Variants in FAT4 observed in about 807,000 individuals in gnomAD.
The protein encoded by FAT4 is protocadherin Fat 4.
Under a neutral mutation model 303.9 loss-of-function variants are expected in FAT4, and 84 were observed. The ratio of observed to expected loss-of-function variants is 0.28; its 90% confidence interval spans 0.23 to 0.33. The LOEUF is 0.33. FAT4 is among the 10% of genes least tolerant of loss of function. The pLI, the probability that FAT4 is intolerant of heterozygous loss-of-function variation, is 1.00. For synonymous variants in FAT4, 2,307 were observed against 2,298.8 expected (o/e 1.00, Z -0.10); for missense variants, 6,005 against 6,146.8 (o/e 0.98, Z 0.77).
At chr4:125,376,768 G>A (rs997319398) in intron 2 of FAT4, among the ~76,000 whole-genome samples, 2 of 151,874 alleles carry the variant, frequency 1.3e-5, no homozygotes, top group African/African-American at 2.4e-5. Flanking sequence ...GCGTGGTGGC[G>A]CATGCCTGCA....
In FAT4 at chr4:125,477,234, G is replaced by A. The variant is rs761178590; in HGVS notation, c.12379G>A (p.Val4127Met). The A allele has an allele frequency of 9.7e-6, 15 of 1,550,516 alleles. No individual in the cohort carries two copies. Among genetic ancestry groups the A allele is most frequent in the East Asian group, 4.8e-5 (2 of 41,876 alleles). ...LEPILQRRGH[V>M]ESHDFVGCIM... Reference sequence around the variant, plus strand: ...ACCAATCCTTCAGAGAAGAGGACACGTGGAAAGCCATGATTTTGTTGGGTG... The same window carrying A: ...ACCAATCCTTCAGAGAAGAGGACACATGGAAAGCCATGATTTTGTTGGGTG... The change falls in exon 14 of 18, where the codon GTG becomes ATG. Residue 4127 changes from valine (V) to methionine (M), a missense_variant. Coordinates refer to ENST00000394329, the MANE Select transcript of FAT4 (RefSeq NM_001291303.3).
chr4:125,443,377 G>A (rs561747557), intron 8 of FAT4, among the ~76,000 whole-genome samples: 19 of 152,064 alleles, frequency 1.2e-4, no homozygotes, highest in Admixed American at 2.6e-4. Context: ...GTTGGCCTTC[G>A]CAATTGGTAC....
At chr4:125,379,730 G>A (rs1161975860) in intron 2 of FAT4, among the ~76,000 whole-genome samples, 1 of 151,844 alleles carries the variant, frequency 6.6e-6, no homozygotes, top group Non-Finnish European at 1.5e-5. Flanking sequence ...AAAGTGCTTG[G>A]ATTACAGGTA....
chr4:125,324,698 C>A (rs1731085983), intron 2 of FAT4, among the ~76,000 whole-genome samples: 1 of 152,034 alleles, frequency 6.6e-6, no homozygotes, highest in Non-Finnish European at 1.5e-5. Flanking sequence ...AGTCACCAGG[C>A]CATAGTTCCC....
At chr4:125,391,161 T>A (rs1406831052) in intron 2 of FAT4, among the ~76,000 whole-genome samples, 1 of 152,110 alleles carries the variant, frequency 6.6e-6, no homozygotes, top group African/African-American at 2.4e-5. Context: ...AGCAATCCCA[T>A]TACTGGGTAT....
chr4:125,376,453 G>T (rs1733324806), intron 2 of FAT4, among the ~76,000 whole-genome samples: 1 of 152,260 alleles, frequency 6.6e-6, no homozygotes, highest in South Asian at 2.1e-4. Context: ...CTGTCGTGGG[G>T]TGAGGGGAGG....
Position 125,318,964 on chromosome 4 carries a change from A to G in FAT4, c.2553A>G (p.Ala851=). 2 of 1,614,232 alleles carry G rather than the reference A, an allele frequency of 1.2e-6. No individual in the cohort carries two copies. The highest frequency in any genetic ancestry group is 1.7e-6 in the Non-Finnish European group (2 of 1,180,040). ...AGGTCACTGGGCAGCTTACCACAGC[A>G]AATGTGATTGATAGAGAAGAGCAAT... ...INQVTGQLTT[A]NVIDREEQSF... Residue 851 remains alanine, a synonymous_variant, in exon 2 of 18, where the codon GCA becomes GCG. Coordinates refer to ENST00000394329, the MANE Select transcript of FAT4 (RefSeq NM_001291303.3).
At position 125,317,110 on chromosome 4, in the gene FAT4, C is replaced by T; in HGVS notation, c.699C>T (p.Tyr233=). 1 of 1,613,810 alleles carries T rather than the reference C, an allele frequency of 6.2e-7. No individual in the cohort carries two copies. Among genetic ancestry groups the T allele is most frequent in the Non-Finnish European group, 8.5e-7 (1 of 1,180,030 alleles). The part of the protein sequence containing the change: ...EDKGEPKRRG[Y]LQVNVTVQDI... Reference sequence around the variant, plus strand: ...AGGGTGAGCCTAAGCGGCGGGGCTACCTTCAGGTAAACGTGACTGTGCAAG... The same window carrying T: ...AGGGTGAGCCTAAGCGGCGGGGCTATCTTCAGGTAAACGTGACTGTGCAAG... Residue 233 remains tyrosine (Y), a synonymous_variant, in exon 2 of 18, where the codon TAC becomes TAT. Coordinates refer to ENST00000394329, the MANE Select transcript of FAT4 (RefSeq NM_001291303.3). The surrounding 1 kb of genome is among the most constrained non-coding windows in gnomAD (Gnocchi z 7.0).
intron 8 of FAT4, 62 bp from the exon 9 acceptor site, chr4:125,446,230 AG>A: frequency 7.3e-7 from 1 of 1,368,942 alleles, no homozygotes; most frequent in South Asian, 1.5e-5. Context: ...TTTTAATTAT[AG>A]TAAATAGAAG....
intron 5 of FAT4, among the ~76,000 whole-genome samples, chr4:125,410,728 GA>G (rs1734807378): frequency 6.6e-6 from 1 of 151,956 alleles, no homozygotes; most frequent in Non-Finnish European, 1.5e-5. Context: ...AAATTAAAAA[GA>G]AAAAGAAAAG....
At chr4:125,393,996 G>T (rs771374227) in intron 2 of FAT4, 3 of 780,006 alleles carry the variant, frequency 3.8e-6, no homozygotes, top group Admixed American at 1.7e-5. Context: ...TGCAGCTGAA[G>T]TGTTTATTGT....
At chr4:125,363,242 T>C (rs1732738876) in intron 2 of FAT4, among the ~76,000 whole-genome samples, 2 of 151,784 alleles carry the variant, frequency 1.3e-5, no homozygotes, top group South Asian at 4.1e-4. Flanking sequence ...AATAAAGCAA[T>C]GTGTTAATGA....
rs1380625493 is a variant in FAT4, at chr4:125,491,600, G to A, written c.14784G>A (p.Gly4928=). The A allele has an allele frequency of 1.2e-6, 2 of 1,614,050 alleles. No homozygotes were observed. Among genetic ancestry groups the A allele is most frequent in the African/African-American group, 1.3e-5 (1 of 74,914 alleles). Residue 4928 remains glycine (G), a synonymous_variant, in exon 18 of 18, where the codon GGG becomes GGA. Coordinates refer to ENST00000394329, the MANE Select transcript of FAT4 (RefSeq NM_001291303.3). Reference sequence around the variant, plus strand: ...CCATGAAGCTAGGGCAGCAAGCAGGGACTTTCAACTGGGACAACCTTTTGA... The same window carrying A: ...CCATGAAGCTAGGGCAGCAAGCAGGAACTTTCAACTGGGACAACCTTTTGA... ...TLPMKLGQQA[G]TFNWDNLLNW... is the part of the protein sequence containing the mutation.
chr4:125,346,525 A>AT (rs138037593), intron 2 of FAT4, among the ~76,000 whole-genome samples: 14,285 of 151,542 alleles, frequency 0.094, 726 homozygotes, highest in Non-Finnish European at 0.12. Flanking sequence ...AGAGCCTTGA[A>AT]TTTTTTTTTG....
chr4:125,362,127 G>A (rs548191055), intron 2 of FAT4, among the ~76,000 whole-genome samples: 33 of 152,166 alleles, frequency 2.2e-4, no homozygotes, highest in African/African-American at 7.7e-4. Context: ...GATTCATGAT[G>A]TGCTGATAAT....
chr4:125,492,755 A>T lies in FAT4; in HGVS notation c.*987A>T, dbSNP rs747114073. 6.6e-6 allele frequency: 1 copy of T among 152,306 alleles called. No homozygotes were observed. The highest frequency in any genetic ancestry group is 1.5e-5 in the Non-Finnish European group (1 of 67,968). 9.4% of individuals were successfully genotyped at this position (152,306 alleles called of 1,614,324 possible). ...TTTTTACACCTAAGCTGTGTTTTTGATACTGATATTTTCCTATGCTGAATA... is the reference window on the plus strand; with the variant it reads ...TTTTTACACCTAAGCTGTGTTTTTGTTACTGATATTTTCCTATGCTGAATA... On this transcript the variant is annotated 3_prime_UTR_variant, in exon 18 of 18. Transcript: ENST00000394329.
chr4:125,377,067 T>G (rs1172086062), intron 2 of FAT4, among the ~76,000 whole-genome samples: 3 of 152,160 alleles, frequency 2.0e-5, no homozygotes, highest in African/African-American at 7.2e-5. Flanking sequence ...ATTTTCTTTG[T>G]GTTTTTCTTC....
chr4:125,450,198 C>A lies in FAT4; in HGVS notation c.9188C>A (p.Ala3063Glu). 6.2e-7 allele frequency: 1 copy of A among 1,613,856 alleles called. No homozygotes were observed. Among genetic ancestry groups the A allele is most frequent in the Non-Finnish European group, 8.5e-7 (1 of 1,179,978 alleles). ...CAAAACTTTTTTATCACAGTCACTG[C>A]AAAGGATAAGGGAAACCCTCCACTT... ...LNQNFFITVT[A>E]KDKGNPPLSS... The change falls in exon 10 of 18, where the codon GCA becomes GAA. Residue 3063 changes from alanine to glutamate, a missense_variant. By Grantham distance (107) the Ala-to-Glu change is moderately radical (BLOSUM62 -1). Transcript: ENST00000394329.
intron 16 of FAT4, among the ~76,000 whole-genome samples, chr4:125,483,996 T>C (rs1727317985): frequency 2.4e-5 from 1 of 41,972 alleles, no homozygotes; most frequent in Non-Finnish European, 5.2e-5. Context: ...TTTCTTATGG[T>C]TTGCATTCTC....
Sources: gnomAD v4.1 joint callset for allele counts (sites outside exome capture counted in the v4.1 genomes callset) on GRCh38, gnomAD v4.1.1 for gene constraint, Gnocchi (gnomAD v3.1) non-coding constraint, MANE v1.5 for transcripts, NCBI Gene and HGNC (gene_info 2026-07-23, HGNC 2026-07-21) for gene names.